Variants in IGSF10 observed in about 807,000 individuals in gnomAD.
The protein encoded by IGSF10 is immunoglobulin superfamily member 10.
A neutral mutation model predicts 128.2 loss-of-function variants in IGSF10; 126 were observed. The ratio of observed to expected loss-of-function variants is 0.98; its 90% CI spans 0.85 to 1.14. The LOEUF (loss-of-function observed/expected upper bound fraction) is 1.14, where lower values mean the gene tolerates loss of function less well. IGSF10 is among the 50% of genes most tolerant of loss of function. IGSF10 has a pLI of 0.00. For synonymous variants in IGSF10, 1,185 were observed against 1,146.2 expected (o/e 1.03, Z -0.68); for missense variants, 3,295 against 3,149.8 (o/e 1.05, Z -1.10).
At chr3:151,458,813 G>T in intron 2 of IGSF10, 103 bp from the exon 3 acceptor site, 2 of 902,532 alleles carry the variant, frequency 2.2e-6, no homozygotes, top group Non-Finnish European at 3.4e-6. Context: ...TTTAAGGGTC[G>T]TAAGTGGTCA....
chr3:151,476,699 A>G, the IGSF10 span, among the ~76,000 whole-genome samples: 1 of 152,184 alleles, frequency 6.6e-6, no homozygotes, highest in Admixed American at 6.5e-5. Flanking sequence ...CAGGCCTGTC[A>G]TCTTGTTTCC....
the IGSF10 span, among the ~76,000 whole-genome samples, chr3:151,484,734 A>C: frequency 9.2e-4 from 139 of 151,734 alleles, no homozygotes; most frequent in African/African-American, 3.3e-3. Flanking sequence ...ACTGACAAAA[A>C]AAAAAAAAAA....
chr3:151,602,656 C>T, the IGSF10 span, among the ~76,000 whole-genome samples: 2 of 152,148 alleles, frequency 1.3e-5, no homozygotes, highest in Non-Finnish European at 2.9e-5. Context: ...AGCTGCCTGA[C>T]CACTGAGACT....
At chr3:151,587,737 T>A in the IGSF10 span, among the ~76,000 whole-genome samples, 1 of 151,874 alleles carries the variant, frequency 6.6e-6, no homozygotes, top group Non-Finnish European at 1.5e-5. Context: ...CAGTGGGAGG[T>A]GATTGAATTA....
the IGSF10 span, among the ~76,000 whole-genome samples, chr3:151,534,804 T>TGTGC: frequency 6.9e-6 from 1 of 145,354 alleles, no homozygotes; most frequent in Admixed American, 6.7e-5. Flanking sequence ...AAAGTGTATG[T>TGTGC]GTGTGTGTGT....
At chr3:151,520,702 C>A in the IGSF10 span, among the ~76,000 whole-genome samples, 1 of 151,806 alleles carries the variant, frequency 6.6e-6, no homozygotes, top group East Asian at 1.9e-4. Flanking sequence ...GTTACCACCA[C>A]ACCTACTTAC....
At chr3:151,486,573 ACT>A in the IGSF10 span, among the ~76,000 whole-genome samples, 1 of 152,260 alleles carries the variant, frequency 6.6e-6, no homozygotes, top group South Asian at 2.1e-4. Flanking sequence ...GAAGTAAAAC[ACT>A]CTTCAGCAAA....
At chr3:151,561,225 T>C in the IGSF10 span, among the ~76,000 whole-genome samples, 4 of 152,092 alleles carry the variant, frequency 2.6e-5, no homozygotes, top group Non-Finnish European at 5.9e-5. Context: ...CCCCTAAAAG[T>C]TTTTGATAAT....
At chr3:151,560,518 A>G in the IGSF10 span, among the ~76,000 whole-genome samples, 89 of 152,286 alleles carry the variant, frequency 5.8e-4, no homozygotes, top group African/African-American at 1.9e-3. Flanking sequence ...TTCATAGCCC[A>G]GCCAAAGAAC....
chr3:151,444,799 TTC>T, intron 6 of IGSF10, 118 bp downstream of exon 6: 1 of 883,444 alleles, frequency 1.1e-6, no homozygotes, highest in Non-Finnish European at 1.7e-6. Flanking sequence ...TATTAATAGT[TTC>T]TTTGTCTTAG....
chr3:151,483,666 C>G, the IGSF10 span, among the ~76,000 whole-genome samples: 1 of 152,148 alleles, frequency 6.6e-6, no homozygotes, highest in Non-Finnish European at 1.5e-5. Context: ...AGGAGGACAA[C>G]TGAAGCAGGG....
At chr3:151,601,654 C>T in the IGSF10 span, among the ~76,000 whole-genome samples, 1 of 152,124 alleles carries the variant, frequency 6.6e-6, no homozygotes, top group Non-Finnish European at 1.5e-5. Context: ...AAGTAAAGTT[C>T]CTCAGAGGTG....
chr3:151,527,655 A>G, the IGSF10 span, among the ~76,000 whole-genome samples: 2 of 152,198 alleles, frequency 1.3e-5, no homozygotes, highest in Non-Finnish European at 2.9e-5. Context: ...ATTGTTTTAA[A>G]AATCCAAATC....
At position 151,458,694 on chromosome 3, in the gene IGSF10, T is replaced by C; in HGVS notation, c.16A>G (p.Arg6Gly). ...GAGACCAGCAAGCAGGTGATTCCTC[T>C]GCCTTTTACCTTCATCCTGAAAAAA... MKVKG[R>G]GITCLLVSFA... Residue 6 changes from arginine to glycine, a missense_variant, in exon 3 of 8, where the codon AGA becomes GGA. By Grantham distance (125) the Arg-to-Gly change is moderately radical. Transcript: ENST00000282466. 1 of 1,613,558 alleles carries C rather than the reference T, an allele frequency of 6.2e-7. No homozygotes were observed. The highest frequency in any genetic ancestry group is 8.5e-7 in the Non-Finnish European group (1 of 1,179,786).
chr3:151,443,625 G>A lies in IGSF10; in HGVS notation c.5322C>T (p.Ser1774=), dbSNP rs149336117. Reference sequence around the variant, plus strand: ...TTGCAAGAATCCAGGTAACTGTAGGGCTTGGCCTACCTTCTGCTCTGCACT... The same window carrying A: ...TTGCAAGAATCCAGGTAACTGTAGGACTTGGCCTACCTTCTGCTCTGCACT... The part of the protein sequence containing the change: ...ELKCRAEGRP[S]PTVTWILANQ... The change falls in exon 7 of 8, where the codon AGC becomes AGT. Residue 1774 remains serine, a synonymous_variant. Coordinates refer to ENST00000282466, the MANE Select transcript of IGSF10 (RefSeq NM_178822.5). 1 of 1,614,082 alleles carries A rather than the reference G, an allele frequency of 6.2e-7. No individual in the cohort carries two copies. The highest frequency in any genetic ancestry group is 1.7e-5 in the Admixed American group (1 of 59,998).
the IGSF10 span, among the ~76,000 whole-genome samples, chr3:151,611,449 C>A: frequency 6.6e-6 from 1 of 152,282 alleles, no homozygotes; most frequent in South Asian, 2.1e-4. Flanking sequence ...TATCTTGATT[C>A]ATTGACCTAT....
chr3:151,437,744 A>C lies in IGSF10; in HGVS notation c.6817T>G (p.Trp2273Gly), dbSNP rs1256524124. ...AGGAAAATATTGTCTGGCATGATCC[A>C]CATGACTTCAGGAGATGGTGTCCCT... ...AEGTPSPEVM[W>G]IMPDNIFLTA... The change falls in exon 8 of 8, where the codon TGG (tryptophan) becomes GGG (glycine). Residue 2273 changes from tryptophan (W) to glycine (G), a missense_variant. Transcript: ENST00000282466. 1 of 1,614,054 alleles carries C rather than the reference A, an allele frequency of 6.2e-7. No individual in the cohort carries two copies. The highest frequency in any genetic ancestry group is 8.5e-7 in the Non-Finnish European group (1 of 1,179,990).
chr3:151,552,361 C>A, the IGSF10 span, among the ~76,000 whole-genome samples: 1 of 152,106 alleles, frequency 6.6e-6, no homozygotes, highest in Admixed American at 6.6e-5. Context: ...ACAGCCAATA[C>A]GTACAGAGAC....
At chr3:151,503,990 G>T in the IGSF10 span, among the ~76,000 whole-genome samples, 1 of 152,056 alleles carries the variant, frequency 6.6e-6, no homozygotes. Context: ...ACCAACCTTA[G>T]GTTTTATAAT....
Sources: gnomAD v4.1 joint callset for allele counts (sites outside exome capture counted in the v4.1 genomes callset) on GRCh38, gnomAD v4.1.1 for gene constraint, MANE v1.5 for transcripts, NCBI Gene and HGNC (gene_info 2026-07-23, HGNC 2026-07-21) for gene names.